GALNT15: variants seen among roughly 807,000 people sequenced by gnomAD.
GALNT15 encodes the protein polypeptide N-acetylgalactosaminyltransferase 15.
Under a neutral mutation model 66.8 loss-of-function variants are expected in GALNT15, and 67 were observed. The ratio of observed to expected loss-of-function variants is 1.00; its 90% CI spans 0.82 to 1.23. The LOEUF (loss-of-function observed/expected upper bound fraction) is 1.23, where lower values mean the gene tolerates loss of function less well. Among genes scored for constraint, GALNT15 ranks in the 50% most tolerant of loss-of-function variants. The probability of loss-of-function intolerance (pLI) is 0.00; values close to 1 mark genes in which losing one functional copy is unlikely to be tolerated. For missense variants in GALNT15, 827 were observed against 804.3 expected, an observed-to-expected ratio of 1.03 and a Z score of -0.34; for synonymous variants, 313 against 311.5, an observed-to-expected ratio of 1.00 and a Z score of -0.05.
intron 9 of GALNT15, among the ~76,000 whole-genome samples, chr3:16,223,379 A>G (rs1394054020): frequency 6.6e-6 from 1 of 152,200 alleles, no homozygotes; most frequent in Non-Finnish European, 1.5e-5. Context: ...AGATGACAGT[A>G]TCAACACTGT....
Position 16,219,619 on chromosome 3 carries a change from G to T in GALNT15, c.1524+85G>T. 6.5e-7 allele frequency: 1 copy of T among 1,548,390 alleles called. No homozygotes were observed. On this transcript the variant is annotated intron_variant, in intron 7 of 9. Coordinates refer to ENST00000339732, the MANE Select transcript of GALNT15 (RefSeq NM_054110.5). The surrounding 1 kb of genome is among the most constrained non-coding windows in gnomAD (Gnocchi z 4.3). ...GATGTTCAGCTCTTCCATGTCCCTG[G>T]TCAACCATTCACGGTTTAGCAGGGC... is the stretch of plus-strand genomic sequence containing the variant.
intron 6 of GALNT15, among the ~76,000 whole-genome samples, chr3:16,215,521 A>T (rs1325804808): frequency 6.6e-6 from 1 of 152,168 alleles, no homozygotes; most frequent in Non-Finnish European, 1.5e-5. Flanking sequence ...TCAAATGTAG[A>T]CACCATACTT....
rs1218076994 is a variant in GALNT15 at position 16,190,823 on chromosome 3, C to G, written c.540-4937C>G. 2.0e-5 allele frequency among the ~76,000 whole-genome samples: 3 copies of G among 152,156 alleles called. 1 individual carries two copies. Among genetic ancestry groups the G allele is most frequent in the Admixed American group, 2.0e-4 (3 of 15,276 alleles). ...TGGGTCCGCTCAGCTGCTGCTGGTC[C>G]TCCACTGAAACACCAGATTATTTCC... On this transcript the variant is annotated intron_variant, in intron 1 of 9. Coordinates refer to ENST00000339732, the MANE Select transcript of GALNT15 (RefSeq NM_054110.5).
In GALNT15 at chr3:16,225,676, CAGAG is replaced by C. The variant is rs1273044707; in HGVS notation, c.1774-1672_1774-1669del. 1.3e-5 allele frequency among the ~76,000 whole-genome samples: 2 copies of C among 151,574 alleles called. No homozygotes were observed. Among genetic ancestry groups the C allele is most frequent in the African/African-American group, 2.4e-5 (1 of 41,196 alleles). On this transcript the variant is annotated intron_variant, in intron 9 of 9. Transcript: ENST00000339732. The surrounding 1 kb of genome is among the most constrained non-coding windows in gnomAD (Gnocchi z 4.4). ...TGCCACTGTACTCCAGCCTGGGTGA[CAGAG>C]AGAGACTGTCTCAAAATAAATAAAT...
At chr3:16,238,919 T>TTGAG in the GALNT15 span, among the ~76,000 whole-genome samples, 1 of 152,208 alleles carries the variant, frequency 6.6e-6, no homozygotes, top group Non-Finnish European at 1.5e-5. This position sits in a 1 kb window ranked among gnomAD's most constrained non-coding sequence, Gnocchi z 4.8. Context: ...ACATGCCTAG[T>TTGAG]TGAGGACAGG....
chr3:16,209,232 T>C lies in GALNT15; in HGVS notation c.1079+562T>C, dbSNP rs1309725487. On this transcript the variant is annotated intron_variant, in intron 4 of 9. Coordinates refer to ENST00000339732, the MANE Select transcript of GALNT15 (RefSeq NM_054110.5). This position sits in a 1 kb window ranked among gnomAD's most constrained non-coding sequence, Gnocchi z 4.1. ...GCATAACAAATCACCTCAAACTTGG[T>C]GTAAAACACAGCCATTTTATTAAGC... Among the ~76,000 whole-genome samples, 1 of 152,232 alleles carries C rather than the reference T, an allele frequency of 6.6e-6. No individual in the cohort carries two copies. Among genetic ancestry groups the C allele is most frequent in the Non-Finnish European group, 1.5e-5 (1 of 68,044 alleles).
At chr3:16,232,469 A>AATTATATAT (rs2064092112), downstream of GALNT15, among the ~76,000 whole-genome samples, 2 of 38,742 alleles carry the variant, frequency 5.2e-5, no homozygotes, top group Non-Finnish European at 5.4e-5. Flanking sequence ...TAAATAAATA[A>AATTATATAT]ATATATATAT....
chr3:16,221,224 T>G (rs1574997448), intron 8 of GALNT15, among the ~76,000 whole-genome samples: 1 of 148,896 alleles, frequency 6.7e-6, no homozygotes, highest in South Asian at 2.1e-4. Flanking sequence ...ACAGCCTCCT[T>G]CATGCAAAAG....
At chr3:16,212,828 G>T in intron 6 of GALNT15, 65 bp downstream of exon 6, 1 of 1,419,114 alleles carries the variant, frequency 7.0e-7, no homozygotes. Context: ...GGTGGGCCAG[G>T]GAGGGCTCCT....
the GALNT15 span, among the ~76,000 whole-genome samples, chr3:16,240,194 A>G: frequency 4.8e-3 from 732 of 152,354 alleles, 5 homozygotes; most frequent in Non-Finnish European, 8.0e-3. Flanking sequence ...TTTCTGGATG[A>G]TATGTTCATG....
chr3:16,198,184 C>T (rs2063660088), intron 2 of GALNT15, among the ~76,000 whole-genome samples: 1 of 141,858 alleles, frequency 7.0e-6, no homozygotes, highest in Admixed American at 7.2e-5. Context: ...TCCACAATGC[C>T]ATTGGACACC....
Position 16,228,755 on chromosome 3 carries a change from G to A in GALNT15, c.*1255G>A. The A allele has an allele frequency of 2.0e-6, 2 of 985,440 alleles. No homozygotes were observed. The highest frequency in any genetic ancestry group is 2.4e-6 in the Non-Finnish European group (2 of 829,990). The allele number at this position is 985,440 out of a possible 1,614,324, so 61.0% of individuals were successfully genotyped here. A position where few individuals can be genotyped will look rare whatever the true frequency, so the allele number is the denominator to read the frequency against. ...CAAACCTTTTTCCTGGGAGGAAAAT[G>A]CCAGAGCCTGAGCCAAAATTCTTAT... On this transcript the variant is annotated 3_prime_UTR_variant, in exon 10 of 10. Coordinates refer to ENST00000339732, the MANE Select transcript of GALNT15 (RefSeq NM_054110.5).
downstream of GALNT15, among the ~76,000 whole-genome samples, chr3:16,232,905 G>T (rs1663115534): frequency 6.6e-6 from 1 of 151,756 alleles, no homozygotes; most frequent in South Asian, 2.1e-4. Flanking sequence ...CAATGCTGAT[G>T]CTGCTGGCCA....
At position 16,227,441 on chromosome 3, in the gene GALNT15, G is replaced by A. The variant is rs2064034148; in HGVS notation, c.1861G>A (p.Asp621Asn). The change falls in exon 10 of 10, where the codon GAT becomes AAT. Residue 621 changes from aspartate to asparagine, a missense_variant. Physicochemically the swap from Asp to Asn is conservative, Grantham distance 23 (BLOSUM62 1). Coordinates refer to ENST00000339732, the MANE Select transcript of GALNT15 (RefSeq NM_054110.5). This position sits in a 1 kb window ranked among gnomAD's most constrained non-coding sequence, Gnocchi z 4.5. Reference protein sequence around the residue: ...NNKDLYLRPCDGKARQQWRFD... With the variant: ...NNKDLYLRPCNGKARQQWRFD... The stretch of plus-strand genomic sequence containing the variant: ...TAAAGATTTGTACCTGCGTCCGTGT[G>A]ATGGAAAAGCCCGCCAGCAGTGGCG... 6.2e-7 allele frequency: 1 copy of A among 1,614,156 alleles called. No homozygotes were observed. Among genetic ancestry groups the A allele is most frequent in the East Asian group, 2.2e-5 (1 of 44,880 alleles).
Position 16,183,907 on chromosome 3 carries a change from G to A in GALNT15, c.539+8217G>A, listed in dbSNP as rs193099476. Among the ~76,000 whole-genome samples, 1 of 152,280 alleles carries A rather than the reference G, an allele frequency of 6.6e-6. No homozygotes were observed. Among genetic ancestry groups the A allele is most frequent in the East Asian group, 1.9e-4 (1 of 5,186 alleles). ...TTCACAGGGGATCCTGGAGCTGCAG[G>A]AAAAGAGGGTGTGCATCTGTATGTA... On this transcript the variant is annotated intron_variant, in intron 1 of 9. Coordinates refer to ENST00000339732, the MANE Select transcript of GALNT15 (RefSeq NM_054110.5). The surrounding 1 kb of genome is among the most constrained non-coding windows in gnomAD (Gnocchi z 5.2).
rs892648936 is a variant in GALNT15 at position 16,203,515 on chromosome 3, A to G, written c.911+2692A>G. ...CTTTGTCTCTCTCTGTCTCTTGGTC[A>G]CTCATTCTCTCTCTCTCTCTCTCTC... On this transcript the variant is annotated intron_variant, in intron 3 of 9. Transcript: ENST00000339732. The surrounding 1 kb of genome is among the most constrained non-coding windows in gnomAD (Gnocchi z 6.2). Among the ~76,000 whole-genome samples the G allele has an allele frequency of 5.5e-5, 6 of 108,532 alleles. No individual in the cohort carries two copies. Among genetic ancestry groups the G allele is most frequent in the Admixed American group, 9.6e-5 (1 of 10,450 alleles). The allele number at this position is 108,532 out of a possible 152,430, so 71.2% of individuals were successfully genotyped here. A position where few individuals can be genotyped will look rare whatever the true frequency, so the allele number is the denominator to read the frequency against.
Position 16,209,661 on chromosome 3 carries a change from T to C in GALNT15, c.1079+991T>C, listed in dbSNP as rs2063792402. 6.6e-6 allele frequency among the ~76,000 whole-genome samples: 1 copy of C among 151,534 alleles called. No individual in the cohort carries two copies. Among genetic ancestry groups the C allele is most frequent in the African/African-American group, 2.4e-5 (1 of 41,236 alleles). ...GGCGAAACCCCATCTCTACTAAAAT[T>C]ACAAAAAAAAATTAGCTGGGCATGG... On this transcript the variant is annotated intron_variant, in intron 4 of 9. Transcript: ENST00000339732. The surrounding 1 kb of genome is among the most constrained non-coding windows in gnomAD (Gnocchi z 4.1).
rs913581365 is a variant in GALNT15, at chr3:16,200,950, T to A, written c.911+127T>A. 94 of 682,398 alleles carry A rather than the reference T, an allele frequency of 1.4e-4. 1 individual carries two copies. Among genetic ancestry groups the A allele is most frequent in the Non-Finnish European group, 1.9e-4 (82 of 439,360 alleles). The allele number at this position is 682,398 out of a possible 1,614,324, so 42.3% of individuals were successfully genotyped here. A position where few individuals can be genotyped will look rare whatever the true frequency, so the allele number is the denominator to read the frequency against. On this transcript the variant is annotated intron_variant, in intron 3 of 9. Transcript: ENST00000339732. The surrounding 1 kb of genome is among the most constrained non-coding windows in gnomAD (Gnocchi z 4.4). Reference sequence around the variant, plus strand: ...TCCATTAGAGAGTGATATATTCCCTTCGGGTTTTCAGATGTGTAAGTTTTT... The same window carrying A: ...TCCATTAGAGAGTGATATATTCCCTACGGGTTTTCAGATGTGTAAGTTTTT...
downstream of GALNT15, among the ~76,000 whole-genome samples, chr3:16,236,168 G>C (rs57570307): frequency 5.8e-5 from 8 of 137,246 alleles, no homozygotes; most frequent in African/African-American, 1.4e-4. Flanking sequence ...TCAAAGGCCA[G>C]AGTAACAGTG....
Sources: allele counts gnomAD v4.1 joint callset (sites outside exome capture counted in the v4.1 genomes callset), GRCh38; gene constraint gnomAD v4.1.1; non-coding constraint Gnocchi (gnomAD v3.1); transcripts MANE v1.5; gene names NCBI Gene and HGNC (gene_info 2026-07-23, HGNC 2026-07-21).